PWWP3A: variants seen among roughly 807,000 people sequenced by gnomAD.
The protein encoded by PWWP3A is PWWP domain-containing DNA repair factor 3A.
PWWP3A carries 53 observed loss-of-function variants against 79.0 expected under a neutral mutation model. The ratio of observed to expected loss-of-function variants is 0.67; its 90% CI spans 0.54 to 0.84. The LOEUF is 0.84. Among genes scored for constraint, PWWP3A ranks in the 40% least tolerant of loss-of-function variants. PWWP3A has a pLI of 0.00. For synonymous variants in PWWP3A, 443 were observed against 394.4 expected, an observed-to-expected ratio of 1.12 and a Z score of -1.46; for missense variants, 973 against 948.0, an observed-to-expected ratio of 1.03 and a Z score of -0.35.
At position 1,360,139 on chromosome 19, in the gene PWWP3A, C is replaced by T. The variant is rs2081976910; in HGVS notation, c.218C>T (p.Ser73Leu). The change falls in exon 5 of 14, where the codon TCA becomes TTA. Residue 73 changes from serine to leucine, a missense_variant. Physicochemically the swap from Ser to Leu is moderately radical, Grantham distance 145. Coordinates refer to ENST00000591337, the MANE Select transcript of PWWP3A (RefSeq NM_001369789.1). This position sits in a 1 kb window ranked among gnomAD's most constrained non-coding sequence, Gnocchi z 4.4. ...QIEAIASSLA[S>L]QNEVPAAPLE... ...TGTGTATGTTCGGTCCTTGCAGCCT[C>T]ACAGAATGAGGTTCCTGCGGCACCC... 1.9e-6 allele frequency: 3 copies of T among 1,553,680 alleles called. No individual in the cohort carries two copies. In the South Asian group the frequency reaches 3.7e-5, roughly 19 times the overall value.
chr19:1,371,136 A>G, intron 12 of PWWP3A, 58 bp downstream of exon 12: 3 of 1,536,430 alleles, frequency 2.0e-6, no homozygotes, highest in Non-Finnish European at 2.6e-6. Flanking sequence ...GGGATTTTGC[A>G]ACTCCGCACG....
rs2082409019 is a variant in PWWP3A at position 1,376,622 on chromosome 19, C to T, written c.*46C>T. On this transcript the variant is annotated 3_prime_UTR_variant, in exon 14 of 14. Transcript: ENST00000591337. ...TCAGCGGGGCCTGGCGGTGGAAGCG[C>T]CTCCAGTGTGCATGAGCGTGTCTGA... 3 of 1,603,516 alleles carry T rather than the reference C, an allele frequency of 1.9e-6. No individual in the cohort carries two copies. The highest frequency in any genetic ancestry group is 2.6e-6 in the Non-Finnish European group (3 of 1,172,168).
rs1244328113 is a variant in PWWP3A at position 1,370,746 on chromosome 19, C to T, written c.1654C>T (p.Gln552Ter). Residue 552 changes from glutamine to a stop codon, truncating the protein, a stop_gained, in exon 12 of 14, where the codon CAG becomes TAG. Transcript: ENST00000591337. LOFTEE classifies it high-confidence loss of function. ...EEPVVGCPLG[Q>*]RQPCRKMLPD... is the part of the protein sequence containing the mutation. The stretch of plus-strand genomic sequence containing the variant: ...GCCCGTGGTGGGGTGCCCCCTGGGG[C>T]AGAGGCAGCCCTGCCGGAAAATGCT... 6.7e-6 allele frequency: 10 copies of T among 1,494,936 alleles called. No individual in the cohort carries two copies. The highest frequency in any genetic ancestry group is 8.9e-6 in the Non-Finnish European group (10 of 1,117,832). 92.6% of individuals were successfully genotyped at this position (1,494,936 alleles called of 1,614,324 possible). A position where few individuals can be genotyped will look rare whatever the true frequency, so the allele number is the denominator to read the frequency against.
intron 5 of PWWP3A, chr19:1,361,836 T>C: frequency 5.8e-6 from 1 of 173,130 alleles, no homozygotes; most frequent in Non-Finnish European, 1.3e-5. Context: ...GCCCCCTCCC[T>C]GCGTATCCGC....
chr19:1,376,302 T>TTA (rs1555773634), intron 13 of PWWP3A, among the ~76,000 whole-genome samples: 1 of 96,126 alleles, frequency 1.0e-5, no homozygotes, highest in East Asian at 2.2e-4. Context: ...TTTGTTTTTT[T>TTA]TTTTGTTTGT....
intron 13 of PWWP3A, among the ~76,000 whole-genome samples, chr19:1,375,529 T>TTATTATATATAAAA (rs1568965190): frequency 0.32 from 35,899 of 111,906 alleles, 6,829 homozygotes; most frequent in Middle Eastern, 0.49. Context: ...ATCATATAAT[T>TTATTATATATAAAA]TATATATTTT....
intron 3 of PWWP3A, 39 bp from the exon 4 acceptor site, chr19:1,358,355 G>A (rs745845157): frequency 2.2e-5 from 34 of 1,555,926 alleles, no homozygotes; most frequent in African/African-American, 1.4e-4. Context: ...TCTTGGCGGC[G>A]TTGGCTGGTG....
In PWWP3A at chr19:1,366,387, C is replaced by A. The variant is rs372466344; in HGVS notation, c.1361+6C>A. 2 of 1,613,806 alleles carry A rather than the reference C, an allele frequency of 1.2e-6. No homozygotes were observed. Among genetic ancestry groups the A allele is most frequent in the Non-Finnish European group, 1.7e-6 (2 of 1,179,676 alleles). On this transcript the variant is annotated splice_donor_region_variant and intron_variant, in intron 8 of 13. Coordinates refer to ENST00000591337, the MANE Select transcript of PWWP3A (RefSeq NM_001369789.1). Reference sequence around the variant, plus strand: ...ATGAACCCGAAAATGAAAGGGTAACCCGCTGTTCTTGGTTTCTGTGAATGG... The same window carrying A: ...ATGAACCCGAAAATGAAAGGGTAACACGCTGTTCTTGGTTTCTGTGAATGG...
In PWWP3A at chr19:1,377,658, C is replaced by T. The variant is rs767833252; in HGVS notation, c.*1082C>T. On this transcript the variant is annotated 3_prime_UTR_variant, in exon 14 of 14. Transcript: ENST00000591337. ...GTGCTGTTAAGAGCAAAGCCACAGA[C>T]GATGACTTGTCCATTCTCAGTGGAT... 46 of 152,424 alleles carry T rather than the reference C, an allele frequency of 3.0e-4. No individual in the cohort carries two copies. The highest frequency in any genetic ancestry group is 5.7e-4 in the Non-Finnish European group (39 of 68,112). The allele number at this position is 152,424 out of a possible 1,614,324, so 9.4% of individuals were successfully genotyped here.
intron 3 of PWWP3A, 34 bp from the exon 4 acceptor site, chr19:1,358,360 C>G: frequency 1.3e-6 from 2 of 1,579,070 alleles, no homozygotes; most frequent in Non-Finnish European, 1.7e-6. Flanking sequence ...GCGGCGTTGG[C>G]TGGTGGTGTG....
chr19:1,357,130 C>A, intron 3 of PWWP3A, 36 bp downstream of exon 3: 1 of 1,515,786 alleles, frequency 6.6e-7, no homozygotes, highest in South Asian at 1.2e-5. Flanking sequence ...TGTTTTTTCC[C>A]GTGTAGATTT....
chr19:1,374,607 A>C (rs1214718882), intron 13 of PWWP3A, among the ~76,000 whole-genome samples: 1 of 152,154 alleles, frequency 6.6e-6, no homozygotes, highest in Admixed American at 6.5e-5. Context: ...CGCACATCAG[A>C]GCCAGCAGCC....
At chr19:1,361,156 CT>C in intron 5 of PWWP3A, 124 bp downstream of exon 5, 2 of 951,084 alleles carry the variant, frequency 2.1e-6, no homozygotes, top group Non-Finnish European at 2.8e-6. Context: ...CCAAAATAGA[CT>C]TAGAGCAGAG....
In PWWP3A at chr19:1,360,215, G is replaced by C; in HGVS notation, c.294G>C (p.Leu98=). 6.2e-7 allele frequency: 1 copy of C among 1,613,626 alleles called. No individual in the cohort carries two copies. The highest frequency in any genetic ancestry group is 8.5e-7 in the Non-Finnish European group (1 of 1,179,788). Reference sequence around the variant, plus strand: ...CGCTTCGCGTGGCTCTGGACGTTCTGAGCGAGGGCTCGATTTGGAGTCAAG... The same window carrying C: ...CGCTTCGCGTGGCTCTGGACGTTCTCAGCGAGGGCTCGATTTGGAGTCAAG... ...RRSLRVALDV[L]SEGSIWSQES... The change falls in exon 5 of 14, where the codon CTG becomes CTC. Residue 98 remains leucine (L), a synonymous_variant. Transcript: ENST00000591337. This position sits in a 1 kb window ranked among gnomAD's most constrained non-coding sequence, Gnocchi z 4.4.
rs745802654 is a variant in PWWP3A at position 1,373,058 on chromosome 19, G to A, written c.1987-14G>A. 4.4e-5 allele frequency: 71 copies of A among 1,613,176 alleles called. No homozygotes were observed. The highest frequency in any genetic ancestry group is 2.7e-4 in the South Asian group (25 of 90,966). On this transcript the variant is annotated splice_polypyrimidine_tract_variant and intron_variant, in intron 12 of 13. Coordinates refer to ENST00000591337, the MANE Select transcript of PWWP3A (RefSeq NM_001369789.1). ...GCAGTGCCTGCTGCTATTGAGCCCC[G>A]TGCCCTCTCACAGGCCATCATCTGT...
chr19:1,359,673 A>G (rs976611097), intron 4 of PWWP3A: 1 of 152,940 alleles, frequency 6.5e-6, no homozygotes, highest in Admixed American at 6.5e-5. Context: ...CCAGCCCACA[A>G]TGAGTCTTTT....
At chr19:1,359,542 A>G (rs1003071129) in intron 4 of PWWP3A, 3 of 151,938 alleles carry the variant, frequency 2.0e-5, no homozygotes, top group Non-Finnish European at 4.4e-5. Flanking sequence ...ATAGCGCCGT[A>G]TCTATATGTC....
Position 1,369,384 on chromosome 19 carries a change from C to G in PWWP3A, c.1498+44C>G. ...AGGGGTGGAGCTGGGCAGCAGGCGT[C>G]CAGCCTCTGAAGACCCCTTGGACGG... is the stretch of plus-strand genomic sequence containing the variant. On this transcript the variant is annotated intron_variant, in intron 10 of 13. Transcript: ENST00000591337. This position sits in a 1 kb window ranked among gnomAD's most constrained non-coding sequence, Gnocchi z 4.0. The G allele has an allele frequency of 5.6e-6, 9 of 1,601,214 alleles. No homozygotes were observed. The highest frequency in any genetic ancestry group is 7.7e-6 in the Non-Finnish European group (9 of 1,170,150).
chr19:1,364,306 C>T lies in PWWP3A; in HGVS notation c.1214-203C>T, dbSNP rs953682260. On this transcript the variant is annotated intron_variant, in intron 6 of 13. Transcript: ENST00000591337. The stretch of plus-strand genomic sequence containing the variant: ...CACTCAGCTGCTGGTTTCACTGTCT[C>T]ATCATTGGTGGTTAGACTCAAGTAG... 2.2e-5 allele frequency: 15 copies of T among 691,334 alleles called. 1 individual carries two copies. The highest frequency in any genetic ancestry group is 2.0e-4 in the South Asian group (14 of 69,548). 42.8% of individuals were successfully genotyped at this position (691,334 alleles called of 1,614,324 possible).
Sources: gnomAD v4.1 joint callset for allele counts (sites outside exome capture counted in the v4.1 genomes callset) on GRCh38, gnomAD v4.1.1 for gene constraint, Gnocchi (gnomAD v3.1) non-coding constraint, MANE v1.5 for transcripts, NCBI Gene and HGNC (gene_info 2026-07-23, HGNC 2026-07-21) for gene names.